ENOX1: variants seen among roughly 807,000 people sequenced by gnomAD.
The protein encoded by ENOX1 is candidate growth-related and time keeping constitutive hydroquinone (NADH) oxidase.
ENOX1 carries 42 observed loss-of-function variants against 82.5 expected under a neutral mutation model. The observed-to-expected ratio is 0.51, with a 90% CI of 0.40 to 0.66. The LOEUF (loss-of-function observed/expected upper bound fraction) is 0.66, where lower values mean the gene tolerates loss of function less well. Ranked by LOEUF, ENOX1 falls within the 30% of genes least tolerant of loss-of-function variation. The pLI, the probability that ENOX1 is intolerant of heterozygous loss-of-function variation, is 0.00. For synonymous variants in ENOX1, 271 were observed against 282.2 expected (o/e 0.96, Z 0.40); for missense variants, 608 against 811.6 (o/e 0.75, Z 3.05).
At chr13:43,468,241 G>T (rs1188461289) in intron 3 of ENOX1, among the ~76,000 whole-genome samples, 2 of 151,852 alleles carry the variant, frequency 1.3e-5, no homozygotes, top group Non-Finnish European at 2.9e-5. Context: ...GAGTGCAGTG[G>T]TGTGATCTCG....
At chr13:43,607,188 A>C (rs2082011026) in intron 2 of ENOX1, among the ~76,000 whole-genome samples, 1 of 152,210 alleles carries the variant, frequency 6.6e-6, no homozygotes, top group African/African-American at 2.4e-5. Flanking sequence ...CATTGTATGC[A>C]TGTATCAAAA....
chr13:43,538,219 TTTCC>T (rs1445935814), intron 2 of ENOX1, among the ~76,000 whole-genome samples: 64 of 152,354 alleles, frequency 4.2e-4, no homozygotes, highest in African/African-American at 1.4e-3. Context: ...CCATAAAATA[TTTCC>T]TTCATTTCTC....
rs189202914 is a variant in ENOX1, at chr13:43,786,030, C to A, written c.-285+622G>T. On this transcript the variant is annotated intron_variant, in intron 1 of 16. Transcript: ENST00000690772. The surrounding 1 kb of genome is among the most constrained non-coding windows in gnomAD (Gnocchi z 6.0). ...TTACCTCGCGTTGGGCCAGGCAGGG[C>A]GCGCTCCCGCCGACGAAGACCTGTC... Among the ~76,000 whole-genome samples the A allele has an allele frequency of 6.6e-6, 1 of 152,234 alleles. No homozygotes were observed. The highest frequency in any genetic ancestry group is 1.9e-4 in the East Asian group (1 of 5,158).
chr13:43,289,583 G>A (rs776555328), intron 12 of ENOX1, among the ~76,000 whole-genome samples: 4 of 152,016 alleles, frequency 2.6e-5, no homozygotes, highest in African/African-American at 4.8e-5. Context: ...ACTCAAAACC[G>A]GTCAAAGATT....
At chr13:43,346,871 CTT>C (rs11301298) in intron 8 of ENOX1, among the ~76,000 whole-genome samples, 41 of 150,984 alleles carry the variant, frequency 2.7e-4, no homozygotes, top group African/African-American at 7.0e-4. Flanking sequence ...TAGAAGAAAT[CTT>C]TTTTTTTTTC....
chr13:43,776,575 A>T (rs1951931125), intron 1 of ENOX1, among the ~76,000 whole-genome samples: 1 of 152,210 alleles, frequency 6.6e-6, no homozygotes, highest in African/African-American at 2.4e-5. Flanking sequence ...CCACTGAGGA[A>T]ATTAAATGCA....
chr13:43,588,061 A>G (rs545037775), intron 2 of ENOX1, among the ~76,000 whole-genome samples: 1 of 152,340 alleles, frequency 6.6e-6, no homozygotes, highest in South Asian at 2.1e-4. Context: ...ATGCTTCTGA[A>G]GTGAAACGGG....
At chr13:43,220,048 A>C (rs952714058) in intron 16 of ENOX1, among the ~76,000 whole-genome samples, 3 of 152,190 alleles carry the variant, frequency 2.0e-5, no homozygotes, top group Admixed American at 6.5e-5. Context: ...CACAGAGAGA[A>C]ATACAAAATG....
chr13:43,348,134 C>T (rs1203978039), intron 8 of ENOX1, among the ~76,000 whole-genome samples: 1 of 152,232 alleles, frequency 6.6e-6, no homozygotes, highest in Admixed American at 6.5e-5. Context: ...CCTGGTCCCC[C>T]TGGTCAGCTG....
intron 1 of ENOX1, among the ~76,000 whole-genome samples, chr13:43,718,785 CTT>C (rs1026995019): frequency 2.7e-5 from 4 of 150,216 alleles, no homozygotes; most frequent in Middle Eastern, 3.2e-3. Flanking sequence ...TCAAACAAGA[CTT>C]TGTTATATAT....
intron 5 of ENOX1, among the ~76,000 whole-genome samples, chr13:43,391,205 C>A (rs912618321): frequency 6.6e-6 from 1 of 152,110 alleles, no homozygotes; most frequent in African/African-American, 2.4e-5. Context: ...GATCCCGTAA[C>A]GTTGCACACT....
chr13:43,396,325 T>C (rs994527317), intron 5 of ENOX1, among the ~76,000 whole-genome samples: 1 of 152,204 alleles, frequency 6.6e-6, no homozygotes, highest in Non-Finnish European at 1.5e-5. Context: ...GCTCTCTGCA[T>C]CCATTAAAGA....
intron 2 of ENOX1, among the ~76,000 whole-genome samples, chr13:43,646,085 A>G: frequency 6.6e-6 from 1 of 152,246 alleles, no homozygotes; most frequent in East Asian, 1.9e-4. Flanking sequence ...GTTGTGACAC[A>G]GATCCAACAG....
chr13:43,478,067 T>TG (rs1325418736), intron 3 of ENOX1, among the ~76,000 whole-genome samples: 64 of 144,732 alleles, frequency 4.4e-4, no homozygotes, highest in Non-Finnish European at 5.0e-4. Context: ...TTTTTTTTTT[T>TG]TTTTTTTTTT....
chr13:43,673,487 C>T (rs993906893), intron 1 of ENOX1, among the ~76,000 whole-genome samples: 1 of 152,190 alleles, frequency 6.6e-6, no homozygotes, highest in African/African-American at 2.4e-5. Context: ...CAGCTTCAGT[C>T]GTTCATGAAT....
intron 3 of ENOX1, among the ~76,000 whole-genome samples, chr13:43,413,249 C>T (rs2054244175): frequency 6.6e-6 from 1 of 152,182 alleles, no homozygotes; most frequent in South Asian, 2.1e-4. Flanking sequence ...TTGTGAGTAC[C>T]TCAAAGGCCT....
chr13:43,263,261 G>A (rs2044181233), intron 14 of ENOX1, among the ~76,000 whole-genome samples: 1 of 152,124 alleles, frequency 6.6e-6, no homozygotes, highest in South Asian at 2.1e-4. Context: ...TGCCTAGGGA[G>A]GGAGGTGGCC....
At chr13:43,744,568 C>T (rs1949920312) in intron 1 of ENOX1, among the ~76,000 whole-genome samples, 1 of 152,168 alleles carries the variant, frequency 6.6e-6, no homozygotes, top group South Asian at 2.1e-4. Flanking sequence ...TGATGAACTA[C>T]TCTAGGAACT....
chr13:43,583,257 A>G (rs763874526), intron 2 of ENOX1, among the ~76,000 whole-genome samples: 12 of 152,250 alleles, frequency 7.9e-5, no homozygotes, highest in Non-Finnish European at 1.8e-4. Context: ...TCTAAATTAA[A>G]TATTGACAAA....
Sources: allele counts gnomAD v4.1 joint callset (sites outside exome capture counted in the v4.1 genomes callset), GRCh38; gene constraint gnomAD v4.1.1; non-coding constraint Gnocchi (gnomAD v3.1); transcripts MANE v1.5; gene names NCBI Gene and HGNC (gene_info 2026-07-23, HGNC 2026-07-21).